The following CLCA4 variants were observed in gnomAD, a reference collection of about 807,000 sequenced individuals.
CLCA4 encodes chloride channel accessory 4, also known as calcium-activated chloride channel regulator 4.
In CLCA4, 69 loss-of-function variants were observed where a neutral mutation model predicts 78.9. That is an observed-to-expected ratio of 0.87 (90% CI 0.72 to 1.07). The LOEUF is 1.07. Among genes scored for constraint, CLCA4 ranks in the 50% least tolerant of loss-of-function variants. CLCA4 has a pLI of 0.00. For missense variants in CLCA4, 1,133 were observed against 1,095.8 expected (o/e 1.03, Z -0.48); for synonymous variants, 362 against 375.8 (o/e 0.96, Z 0.42).
intron 11 of CLCA4, among the ~76,000 whole-genome samples, chr1:86,577,306 T>A (rs1261986531): frequency 6.6e-6 from 1 of 152,118 alleles, no homozygotes; most frequent in East Asian, 1.9e-4. Context: ...TTCTTTAGTC[T>A]GCAAATGTCT....
At chr1:86,555,192 G>T (rs774835591) in intron 1 of CLCA4, among the ~76,000 whole-genome samples, 1 of 152,078 alleles carries the variant, frequency 6.6e-6, no homozygotes, top group Non-Finnish European at 1.5e-5. Context: ...CTTTTGCTGT[G>T]CACAAGCTCT....
chr1:86,579,950 T>C lies in CLCA4; in HGVS notation c.2365T>C (p.Tyr789His). ...DNFDVGKVQR[Y>H]IIRISASILD... The stretch of plus-strand genomic sequence containing the variant: ...TAACTTTTTTTTCTCAGTTCAACGT[T>C]ATATCATAAGAATAAGTGCAAGTAT... Residue 789 changes from tyrosine (Y) to histidine (H), a missense_variant, in exon 14 of 14, where the codon TAT becomes CAT. By Grantham distance (83) the Tyr-to-His change is moderately conservative. Coordinates refer to ENST00000370563, the MANE Select transcript of CLCA4 (RefSeq NM_012128.4). 6.3e-7 allele frequency: 1 copy of C among 1,580,382 alleles called. No homozygotes were observed. Among genetic ancestry groups the C allele is most frequent in the South Asian group, 1.2e-5 (1 of 86,308 alleles).
At position 86,559,949 on chromosome 1, in the gene CLCA4, T is replaced by C. The variant is rs1649962834; in HGVS notation, c.177T>C (p.Ala59=). The change falls in exon 2 of 14, where the codon GCT becomes GCC. Residue 59 remains alanine (A), a synonymous_variant. Transcript: ENST00000370563. ...IEQIEDMVTT[A]STYLFEATEK... ...AATGACAGGATATGGTGACTACAGC[T>C]TCTACGTACCTGTTTGAAGCCACAG... 2 of 1,599,732 alleles carry C rather than the reference T, an allele frequency of 1.3e-6. No individual in the cohort carries two copies. Among genetic ancestry groups the C allele is most frequent in the Non-Finnish European group, 1.7e-6 (2 of 1,175,524 alleles).
intron 1 of CLCA4, among the ~76,000 whole-genome samples, chr1:86,550,103 T>C (rs528662423): frequency 6.6e-6 from 1 of 152,348 alleles, no homozygotes; most frequent in African/African-American, 2.4e-5. Flanking sequence ...CTGCTTATGG[T>C]TGGACCCTTC....
chr1:86,575,559 T>C lies in CLCA4; in HGVS notation c.1911T>C (p.Asn637=), dbSNP rs758410662. 21 of 1,613,134 alleles carry C rather than the reference T, an allele frequency of 1.3e-5. No homozygotes were observed. The highest frequency in any genetic ancestry group is 1.8e-5 in the Non-Finnish European group (21 of 1,179,488). Residue 637 remains asparagine (N), a synonymous_variant, in exon 11 of 14, where the codon AAT becomes AAC. Transcript: ENST00000370563. ...TGACTGCTTTCATTGAATCACAGAA[T>C]GGACATACAGAAGTTTTGGAACTTT... ...ANVTAFIESQ[N]GHTEVLELLD... is the part of the protein sequence containing the mutation.
chr1:86,571,795 A>G (rs963676581), intron 8 of CLCA4, among the ~76,000 whole-genome samples: 1 of 152,074 alleles, frequency 6.6e-6, no homozygotes, highest in African/African-American at 2.4e-5. Flanking sequence ...TGAAGTTTTT[A>G]TATAAACATT....
intron 6 of CLCA4, among the ~76,000 whole-genome samples, 195 bp from the exon 7 acceptor site, chr1:86,567,229 C>T (rs1460350009): frequency 6.6e-6 from 1 of 151,946 alleles, no homozygotes; most frequent in Admixed American, 6.6e-5. Context: ...GCACTCCTTA[C>T]TATACGTGTC....
At chr1:86,576,182 T>C (rs1650514360) in intron 11 of CLCA4, among the ~76,000 whole-genome samples, 1 of 152,022 alleles carries the variant, frequency 6.6e-6, no homozygotes, top group Non-Finnish European at 1.5e-5. Context: ...TTTTTTGAGA[T>C]GAGGTCTCAC....
chr1:86,575,707 T>G, intron 11 of CLCA4, 108 bp downstream of exon 11: 1 of 1,024,462 alleles, frequency 9.8e-7, no homozygotes, highest in South Asian at 1.5e-5. Context: ...TGATGCAGAT[T>G]AAGGAGGAAC....
chr1:86,575,090 A>C (rs1650469480), intron 10 of CLCA4, among the ~76,000 whole-genome samples: 1 of 152,062 alleles, frequency 6.6e-6, no homozygotes, highest in Non-Finnish European at 1.5e-5. Flanking sequence ...TAAGGCCAAA[A>C]CCAAGGCAAA....
chr1:86,570,472 A>G (rs1377736958), intron 7 of CLCA4, among the ~76,000 whole-genome samples: 1 of 152,088 alleles, frequency 6.6e-6, no homozygotes, highest in Non-Finnish European at 1.5e-5. Context: ...TAATTTTAAT[A>G]TATTCTTTAA....
chr1:86,570,291 G>A (rs1650311727), intron 7 of CLCA4, among the ~76,000 whole-genome samples: 1 of 151,800 alleles, frequency 6.6e-6, no homozygotes, highest in Non-Finnish European at 1.5e-5. Context: ...TCAAAATGGT[G>A]CTCCAAGATG....
chr1:86,560,419 G>A, intron 3 of CLCA4, 61 bp downstream of exon 3: 5 of 1,562,456 alleles, frequency 3.2e-6, no homozygotes, highest in South Asian at 1.2e-5. Flanking sequence ...TTTTATGCAG[G>A]TTAAGTGTGC....
In CLCA4 at chr1:86,565,323, G is replaced by A. The variant is rs1440563806; in HGVS notation, c.607G>A (p.Gly203Ser). The A allele has an allele frequency of 9.9e-6, 16 of 1,609,616 alleles. No individual in the cohort carries two copies. The highest frequency in any genetic ancestry group is 1.4e-5 in the Non-Finnish European group (16 of 1,177,694). The change falls in exon 5 of 14, where the codon GGC becomes AGC. Residue 203 changes from glycine (G) to serine (S), a missense_variant. Coordinates refer to ENST00000370563, the MANE Select transcript of CLCA4 (RefSeq NM_012128.4). ...GRNRVYKCQGGSCLSRACRID... is the reference protein window; with the variant it reads ...GRNRVYKCQGSSCLSRACRID... ...AAATAGAGTTTATAAGTGTCAAGGA[G>A]GCAGCTGTCTTAGTAGAGCATGCAG...
chr1:86,547,861 C>T (rs185076872), intron 1 of CLCA4, among the ~76,000 whole-genome samples: 116 of 152,270 alleles, frequency 7.6e-4, no homozygotes, highest in Non-Finnish European at 1.3e-3. Context: ...ATCCATTCAT[C>T]TCTTGATGGA....
chr1:86,551,654 G>T (rs1010256825), intron 1 of CLCA4, among the ~76,000 whole-genome samples: 1 of 152,214 alleles, frequency 6.6e-6, no homozygotes, highest in Non-Finnish European at 1.5e-5. Flanking sequence ...CAGTAGCAAT[G>T]CTATTTCCTC....
intron 7 of CLCA4, among the ~76,000 whole-genome samples, chr1:86,568,386 T>C (rs988134977): frequency 1.2e-4 from 18 of 148,670 alleles, no homozygotes; most frequent in African/African-American, 3.9e-4. Context: ...TATAATAATT[T>C]ATTATAAGTG....
rs553675518 is a variant in CLCA4 at position 86,571,106 on chromosome 1, T to C, written c.1212T>C (p.Asp404=). Residue 404 remains aspartate (D), a synonymous_variant, in exon 8 of 14, where the codon GAT becomes GAC. Transcript: ENST00000370563. ...TTGGAGAGCTACATTCCCAACTCGA[T>C]GGATCCGAAGTACTGCTGCTGACTG... ...QVIGELHSQL[D]GSEVLLLTDG... 3.4e-4 allele frequency: 549 copies of C among 1,612,094 alleles called. 2 individuals are homozygous for C. Among genetic ancestry groups the C allele is most frequent in the Non-Finnish European group, 4.3e-4 (511 of 1,178,592 alleles).
rs1316812864 is a variant in CLCA4, at chr1:86,580,222, T to A, written c.2637T>A (p.Pro879=). The change falls in exon 14 of 14, where the codon CCT becomes CCA. Residue 879 remains proline, a synonymous_variant. Coordinates refer to ENST00000370563, the MANE Select transcript of CLCA4 (RefSeq NM_012128.4). ...QANPDDIDPT[P]TPTPTPTPDK... Reference sequence around the variant, plus strand: ...ATCCTGATGACATTGATCCTACACCTACTCCTACTCCTACTCCTACTCCTG... The same window carrying A: ...ATCCTGATGACATTGATCCTACACCAACTCCTACTCCTACTCCTACTCCTG... 2 of 1,567,070 alleles carry A rather than the reference T, an allele frequency of 1.3e-6. No homozygotes were observed. Among genetic ancestry groups the A allele is most frequent in the Non-Finnish European group, 1.7e-6 (2 of 1,169,856 alleles).
Sources: gnomAD v4.1 joint callset for allele counts (sites outside exome capture counted in the v4.1 genomes callset) on GRCh38, gnomAD v4.1.1 for gene constraint, MANE v1.5 for transcripts, NCBI Gene and HGNC (gene_info 2026-07-23, HGNC 2026-07-21) for gene names.